Variants in NBEA observed in about 807,000 individuals in gnomAD.
NBEA encodes the protein neurobeachin, also known as lysosomal-trafficking regulator 2.
Under a neutral mutation model 343.4 loss-of-function variants are expected in NBEA, and 44 were observed. The ratio of observed to expected loss-of-function variants is 0.13; its 90% confidence interval spans 0.10 to 0.16. NBEA has a LOEUF of 0.16. Ranked by LOEUF, NBEA falls within the 10% of genes least tolerant of loss-of-function variation. The pLI is 1.00. For missense variants in NBEA, 2,555 were observed against 3,631.3 expected (o/e 0.70, Z 7.62); for synonymous variants, 1,175 against 1,238.7 (o/e 0.95, Z 1.08).
intron 31 of NBEA, among the ~76,000 whole-genome samples, chr13:35,197,094 A>G (rs2072669730): frequency 6.6e-6 from 1 of 152,140 alleles, no homozygotes; most frequent in Non-Finnish European, 1.5e-5. Context: ...ACTATTTAAA[A>G]ACATGTGCAA....
intron 36 of NBEA, among the ~76,000 whole-genome samples, chr13:35,332,897 G>A (rs1424084488): frequency 6.6e-6 from 1 of 152,004 alleles, no homozygotes; most frequent in South Asian, 2.1e-4. Context: ...CTCCTTCGTG[G>A]CCAGCACTCC....
intron 49 of NBEA, among the ~76,000 whole-genome samples, chr13:35,636,532 A>G (rs1050784182): frequency 4.6e-5 from 7 of 152,132 alleles, no homozygotes; most frequent in Non-Finnish European, 8.8e-5. Flanking sequence ...TTAAAAAAAT[A>G]TTTTCCCATG....
chr13:35,566,177 A>G (rs1223064505), intron 44 of NBEA, among the ~76,000 whole-genome samples: 2 of 152,160 alleles, frequency 1.3e-5, no homozygotes, highest in African/African-American at 4.8e-5. Context: ...CCTGGCCAAC[A>G]TGGTGAAACC....
intron 8 of NBEA, among the ~76,000 whole-genome samples, chr13:35,067,115 C>T (rs1479413419): frequency 2.0e-5 from 3 of 151,946 alleles, no homozygotes; most frequent in African/African-American, 2.4e-5. Flanking sequence ...GTATATGTTA[C>T]GAACCCAACA....
At chr13:35,476,237 G>T (rs2075858938) in intron 41 of NBEA, 7 of 1,569,962 alleles carry the variant, frequency 4.5e-6, no homozygotes. Flanking sequence ...GGAGAAACGG[G>T]CCGCAACACT....
At chr13:35,627,999 T>A in intron 48 of NBEA, 82 bp from the exon 49 acceptor site, 1 of 1,061,652 alleles carries the variant, frequency 9.4e-7, no homozygotes, top group Non-Finnish European at 1.3e-6. Context: ...TTTATATATA[T>A]TTCAAAGTAA....
At chr13:35,350,341 C>T (rs920587933) in intron 37 of NBEA, among the ~76,000 whole-genome samples, 1 of 152,072 alleles carries the variant, frequency 6.6e-6, no homozygotes, top group East Asian at 1.9e-4. Flanking sequence ...TATTGATTCC[C>T]TAAGGAGTCC....
chr13:35,372,568 A>G (rs917811605), intron 38 of NBEA, among the ~76,000 whole-genome samples: 2 of 152,126 alleles, frequency 1.3e-5, no homozygotes, highest in Non-Finnish European at 2.9e-5. Flanking sequence ...TTGGATAGGG[A>G]TAGCAACAAC....
chr13:35,026,778 A>G (rs1439271677), intron 1 of NBEA, among the ~76,000 whole-genome samples: 2 of 152,124 alleles, frequency 1.3e-5, no homozygotes, highest in Non-Finnish European at 2.9e-5. Flanking sequence ...AACATTAATA[A>G]TATATTATAT....
At chr13:35,475,969 T>C in intron 41 of NBEA, 1 of 1,614,144 alleles carries the variant, frequency 6.2e-7, no homozygotes, top group Non-Finnish European at 8.5e-7. Flanking sequence ...GTCCATCTCG[T>C]TGAGAGAGCT....
rs1373377371 is a variant in NBEA at position 35,671,692 on chromosome 13, CTGAG to C, written c.*705_*708del. 6.6e-6 allele frequency: 1 copy of C among 152,636 alleles called. No individual in the cohort carries two copies. The highest frequency in any genetic ancestry group is 2.4e-5 in the African/African-American group (1 of 41,436). 9.5% of individuals were successfully genotyped at this position (152,636 alleles called of 1,614,324 possible). A position where few individuals can be genotyped will look rare whatever the true frequency, so the allele number is the denominator to read the frequency against. On this transcript the variant is annotated 3_prime_UTR_variant, in exon 59 of 59. Coordinates refer to ENST00000379939, the MANE Select transcript of NBEA (RefSeq NM_001385012.1). ...ACTTTTTAATCTAAAGTCATCCCTT[CTGAG>C]TGAAATTTGCTCATAAAGCATTTGG... is the stretch of plus-strand genomic sequence containing the variant.
At chr13:35,148,800 A>G (rs1481009958) in intron 18 of NBEA, among the ~76,000 whole-genome samples, 1 of 152,174 alleles carries the variant, frequency 6.6e-6, no homozygotes, top group Admixed American at 6.5e-5. Context: ...TGTGGGCTAT[A>G]CAGTATCTGT....
chr13:35,445,546 A>G (rs2045957390), intron 39 of NBEA, among the ~76,000 whole-genome samples: 1 of 151,786 alleles, frequency 6.6e-6, no homozygotes, highest in African/African-American at 2.4e-5. Context: ...GGCAAATCAA[A>G]TAGTCCAACT....
chr13:35,423,347 CA>C (rs2044424693), intron 38 of NBEA, among the ~76,000 whole-genome samples: 1 of 152,158 alleles, frequency 6.6e-6, no homozygotes, highest in South Asian at 2.1e-4. Flanking sequence ...GGAAGGGATC[CA>C]GTTTCAGCTT....
intron 39 of NBEA, among the ~76,000 whole-genome samples, chr13:35,433,310 T>C (rs1245517930): frequency 1.3e-5 from 2 of 152,116 alleles, no homozygotes; most frequent in Non-Finnish European, 2.9e-5. Context: ...GAAATACCAG[T>C]AATGAACACT....
chr13:35,206,995 A>G (rs1262022652), intron 31 of NBEA, among the ~76,000 whole-genome samples: 2 of 152,118 alleles, frequency 1.3e-5, no homozygotes, highest in African/African-American at 2.4e-5. Context: ...GGTTGAGTCT[A>G]AAGAATTTGA....
chr13:34,972,911 G>A (rs930779351), intron 1 of NBEA, among the ~76,000 whole-genome samples: 2 of 152,162 alleles, frequency 1.3e-5, no homozygotes, highest in Admixed American at 1.3e-4. Context: ...AGGAAAGAGA[G>A]CACTGTGGTT....
At chr13:35,308,721 A>G (rs2037159910) in intron 35 of NBEA, among the ~76,000 whole-genome samples, 1 of 148,776 alleles carries the variant, frequency 6.7e-6, no homozygotes, top group South Asian at 2.1e-4. Context: ...CAAAATATGT[A>G]TATATTTAAA....
chr13:35,454,792 A>G (rs1044993477), intron 40 of NBEA, among the ~76,000 whole-genome samples: 17 of 152,126 alleles, frequency 1.1e-4, no homozygotes, highest in African/African-American at 4.1e-4. Context: ...CCCGGGAGGC[A>G]GAGCTCGCAG....
Sources: gnomAD v4.1 joint callset for allele counts (sites outside exome capture counted in the v4.1 genomes callset) on GRCh38, gnomAD v4.1.1 for gene constraint, MANE v1.5 for transcripts, NCBI Gene and HGNC (gene_info 2026-07-23, HGNC 2026-07-21) for gene names.